USP15: variants seen among roughly 807,000 people sequenced by gnomAD.
USP15 encodes the protein ubiquitin specific peptidase 15.
A neutral mutation model predicts 127.1 loss-of-function variants in USP15; 18 were observed. The ratio of observed to expected loss-of-function variants is 0.14; its 90% CI spans 0.10 to 0.21. USP15 has a LOEUF of 0.21. USP15 is among the 10% of genes least tolerant of loss of function. The pLI, the probability that USP15 is intolerant of heterozygous loss-of-function variation, is 1.00. For missense variants in USP15, 805 were observed against 1,159.9 expected (o/e 0.69, Z 4.44); for synonymous variants, 364 against 393.7 (o/e 0.92, Z 0.89).
intron 18 of USP15, 120 bp from the exon 19 acceptor site, chr12:62,392,933 G>T (rs2067369812): frequency 1.9e-6 from 2 of 1,051,774 alleles, no homozygotes; most frequent in Non-Finnish European, 1.4e-6. Context: ...TACATATTAG[G>T]CATACTATAA....
At chr12:62,287,474 C>T (rs1002611163) in intron 1 of USP15, among the ~76,000 whole-genome samples, 1 of 151,942 alleles carries the variant, frequency 6.6e-6, no homozygotes, top group East Asian at 1.9e-4. Context: ...AATATTAGTC[C>T]TTTGTTGGAG....
At chr12:62,283,506 A>G (rs897022890) in intron 1 of USP15, among the ~76,000 whole-genome samples, 7 of 152,250 alleles carry the variant, frequency 4.6e-5, no homozygotes, top group African/African-American at 1.7e-4. Context: ...AGACAAGAAC[A>G]ATAGGAATAC....
intron 20 of USP15, among the ~76,000 whole-genome samples, chr12:62,398,330 C>G (rs2067565980): frequency 6.6e-6 from 1 of 152,060 alleles, no homozygotes; most frequent in South Asian, 2.1e-4. Context: ...TTCTTCCCTT[C>G]CCTTCATTGT....
intron 6 of USP15, chr12:62,327,730 T>C (rs1283090151): frequency 2.4e-6 from 1 of 425,104 alleles, no homozygotes; most frequent in Non-Finnish European, 4.6e-6. Context: ...CAGAATTCCC[T>C]ATGTAATACC....
chr12:62,304,602 T>A (rs1172168477), intron 3 of USP15: 1 of 379,298 alleles, frequency 2.6e-6, no homozygotes, highest in East Asian at 7.2e-5. Context: ...GTGGTTCCCC[T>A]AGCTATAATG....
At chr12:62,376,761 TGAGA>T (rs1259715002) in intron 8 of USP15, among the ~76,000 whole-genome samples, 8 of 152,160 alleles carry the variant, frequency 5.3e-5, no homozygotes, top group African/African-American at 1.9e-4. Flanking sequence ...CAGGAAGCAT[TGAGA>T]GTAAGAGATA....
In USP15 at chr12:62,404,141, T is replaced by A. The variant is rs144022012; in HGVS notation, c.2764-52T>A. 899 of 1,493,876 alleles carry A rather than the reference T, an allele frequency of 6.0e-4. 10 individuals carry two copies. In the African/African-American group the frequency reaches 0.011, roughly 19 times the overall value. The allele number at this position is 1,493,876 out of a possible 1,614,324, so 92.5% of individuals were successfully genotyped here. On this transcript the variant is annotated intron_variant, in intron 21 of 21. Coordinates refer to ENST00000280377, the MANE Select transcript of USP15 (RefSeq NM_001252078.2). ...GACCAGCTAAAAATTCATAATGTAT[T>A]TAACGTGATCTTTGAGAATCATAAC...
At chr12:62,297,802 A>G (rs1312054906) in intron 2 of USP15, among the ~76,000 whole-genome samples, 1 of 152,192 alleles carries the variant, frequency 6.6e-6, no homozygotes, top group Non-Finnish European at 1.5e-5. Flanking sequence ...GTGACACAAA[A>G]AAACAAAATC....
chr12:62,327,216 A>AT (rs35303425), intron 6 of USP15, among the ~76,000 whole-genome samples: 38,075 of 151,522 alleles, frequency 0.25, 5,601 homozygotes, highest in African/African-American at 0.43. Context: ...CTTACGTGAA[A>AT]TTTTTTTTTC....
At chr12:62,382,031 A>T (rs1160978901) in intron 9 of USP15, among the ~76,000 whole-genome samples, 3 of 152,070 alleles carry the variant, frequency 2.0e-5, no homozygotes, top group African/African-American at 7.2e-5. Flanking sequence ...AATATTCTAT[A>T]CAAATGTAAA....
intron 11 of USP15, among the ~76,000 whole-genome samples, chr12:62,388,793 GA>G (rs938300167): frequency 9.2e-5 from 14 of 152,244 alleles, no homozygotes; most frequent in Admixed American, 9.2e-4. Flanking sequence ...GAATTTCCAG[GA>G]GAAGCAAGAA....
At chr12:62,391,536 C>A in intron 16 of USP15, 107 bp downstream of exon 16, 1 of 1,376,994 alleles carries the variant, frequency 7.3e-7, no homozygotes, top group Non-Finnish European at 9.8e-7. Context: ...ATACCATTTA[C>A]TTTTCTATCT....
At chr12:62,282,050 A>G (rs2063663757) in intron 1 of USP15, among the ~76,000 whole-genome samples, 2 of 152,168 alleles carry the variant, frequency 1.3e-5, no homozygotes, top group Non-Finnish European at 2.9e-5. Flanking sequence ...TTTATAGGCC[A>G]GGCACACTGG....
intron 11 of USP15, 80 bp downstream of exon 11, chr12:62,384,382 T>C: frequency 9.3e-7 from 1 of 1,073,108 alleles, no homozygotes; most frequent in Non-Finnish European, 1.3e-6. Flanking sequence ...TAGTGTTGAG[T>C]CCTTATTATA....
chr12:62,325,793 A>T, intron 5 of USP15, 79 bp from the exon 6 acceptor site: 1 of 1,180,660 alleles, frequency 8.5e-7, no homozygotes. Context: ...TTAGTTTCTT[A>T]GTTTATCCAG....
chr12:62,398,820 A>T (rs2067582554), intron 20 of USP15, among the ~76,000 whole-genome samples: 1 of 152,134 alleles, frequency 6.6e-6, no homozygotes, highest in African/African-American at 2.4e-5. Flanking sequence ...ATCCCTGGTT[A>T]TTTTTTGTGT....
rs1173252316 is a variant in USP15, at chr12:62,411,032, C to G, written c.*6657C>G. Reference sequence around the variant, plus strand: ...TGAAAGACCTTGATCCAGAGGTTCTCAGCAAGCCACACCTGAATTCCTAAC... The same window carrying G: ...TGAAAGACCTTGATCCAGAGGTTCTGAGCAAGCCACACCTGAATTCCTAAC... On this transcript the variant is annotated 3_prime_UTR_variant, in exon 22 of 22. Transcript: ENST00000280377. 6.6e-6 allele frequency: 1 copy of G among 152,122 alleles called. No homozygotes were observed. The highest frequency in any genetic ancestry group is 1.5e-5 in the Non-Finnish European group (1 of 68,030). The allele number at this position is 152,122 out of a possible 1,614,324, so 9.4% of individuals were successfully genotyped here.
intron 8 of USP15, among the ~76,000 whole-genome samples, chr12:62,365,149 G>T (rs2066436663): frequency 6.6e-6 from 1 of 152,130 alleles, no homozygotes; most frequent in African/African-American, 2.4e-5. Context: ...TTCCACAGTG[G>T]TTGAACTAAT....
At position 62,407,539 on chromosome 12, in the gene USP15, G is replaced by T. The variant is rs1412581944; in HGVS notation, c.*3164G>T. The T allele has an allele frequency of 6.6e-6, 1 of 152,114 alleles. No individual in the cohort carries two copies. The highest frequency in any genetic ancestry group is 2.4e-5 in the African/African-American group (1 of 41,416). 9.4% of individuals were successfully genotyped at this position (152,114 alleles called of 1,614,324 possible). A position where few individuals can be genotyped will look rare whatever the true frequency, so the allele number is the denominator to read the frequency against. ...GCATTGAATAAGAAAGTACCCACTG[G>T]AATATTGACTAACCCATTCCCTTTT... On this transcript the variant is annotated 3_prime_UTR_variant, in exon 22 of 22. Coordinates refer to ENST00000280377, the MANE Select transcript of USP15 (RefSeq NM_001252078.2).
Sources: allele counts gnomAD v4.1 joint callset (sites outside exome capture counted in the v4.1 genomes callset), GRCh38; gene constraint gnomAD v4.1.1; transcripts MANE v1.5; gene names NCBI Gene and HGNC (gene_info 2026-07-23, HGNC 2026-07-21).